FCGR2B: variants seen among roughly 807,000 people sequenced by gnomAD.
FCGR2B encodes Fc gamma receptor IIb, also known as low affinity immunoglobulin gamma Fc region receptor II-b.
A neutral mutation model predicts 24.8 loss-of-function variants in FCGR2B; 18 were observed. The observed-to-expected ratio is 0.73, with a 90% CI of 0.50 to 1.08. FCGR2B has a LOEUF of 1.08. FCGR2B is among the 50% of genes least tolerant of loss of function. The pLI, the probability that FCGR2B is intolerant of heterozygous loss-of-function variation, is 0.00. For missense variants in FCGR2B, 215 were observed against 297.6 expected (o/e 0.72, Z 2.04); for synonymous variants, 79 against 109.8 (o/e 0.72, Z 1.75).
intron 3 of FCGR2B, 36 bp from the exon 4 acceptor site, chr1:161,672,939 C>G (rs1176132713): frequency 6.2e-7 from 1 of 1,612,668 alleles, no homozygotes; most frequent in Non-Finnish European, 8.5e-7. Flanking sequence ...TGAGCCAAGA[C>G]CTCCCGGGTC....
chr1:161,671,816 C>A (rs1458551241), intron 3 of FCGR2B, 167 bp downstream of exon 3: 22 of 1,377,026 alleles, frequency 1.6e-5, no homozygotes, highest in Non-Finnish European at 2.0e-5. Context: ...TCTGATTGAA[C>A]AGAAGAAGGT....
the FCGR2B span, among the ~76,000 whole-genome samples, chr1:161,649,137 T>C: frequency 1.3e-5 from 2 of 150,874 alleles, no homozygotes; most frequent in African/African-American, 4.9e-5. Context: ...ACCATCTCAG[T>C]AGTAATTTCT....
chr1:161,677,120 G>C (rs1305056103), intron 6 of FCGR2B: 1 of 581,416 alleles, frequency 1.7e-6, no homozygotes, highest in African/African-American at 1.9e-5. Context: ...TTTTCACCTT[G>C]GCCTTTGCGG....
At chr1:161,677,278 G>A (rs773420587) in intron 6 of FCGR2B, 50 bp from the exon 7 acceptor site, 2 of 1,585,774 alleles carry the variant, frequency 1.3e-6, no homozygotes, top group Non-Finnish European at 1.7e-6. Flanking sequence ...GCACAGGCAG[G>A]CCCTCTTCTC....
chr1:161,671,068 T>C (rs1314608831), intron 2 of FCGR2B, among the ~76,000 whole-genome samples: 1 of 152,120 alleles, frequency 6.6e-6, no homozygotes, highest in Non-Finnish European at 1.5e-5. Context: ...TCTGTGTGTC[T>C]GTGCTGGTGG....
intron 6 of FCGR2B, 68 bp from the exon 7 acceptor site, chr1:161,677,260 C>T: frequency 6.6e-7 from 1 of 1,509,526 alleles, no homozygotes; most frequent in Non-Finnish European, 9.2e-7. Context: ...TTTGCAGCCT[C>T]AGCATCAGCA....
the FCGR2B span, among the ~76,000 whole-genome samples, chr1:161,653,264 A>G: frequency 3.0e-5 from 4 of 132,460 alleles, no homozygotes; most frequent in South Asian, 8.1e-4. Flanking sequence ...TTAGCTGGGC[A>G]TGGTGGCAGG....
the FCGR2B span, among the ~76,000 whole-genome samples, chr1:161,647,732 T>C: frequency 1.3e-5 from 2 of 150,982 alleles, no homozygotes; most frequent in South Asian, 2.1e-4. Flanking sequence ...ATGTATATTG[T>C]CCACTTTTGT....
upstream of FCGR2B, among the ~76,000 whole-genome samples, chr1:161,658,872 G>A: frequency 6.6e-6 from 1 of 152,132 alleles, no homozygotes; most frequent in Non-Finnish European, 1.5e-5. Context: ...CAAGAGGCTG[G>A]AATCTGAGAG....
chr1:161,650,267 A>T, the FCGR2B span, among the ~76,000 whole-genome samples: 1 of 146,756 alleles, frequency 6.8e-6, no homozygotes, highest in Non-Finnish European at 1.5e-5. Context: ...GATTACAGGC[A>T]TGAGCCACTG....
chr1:161,655,908 T>G, the FCGR2B span, among the ~76,000 whole-genome samples: 1 of 88,404 alleles, frequency 1.1e-5, no homozygotes, highest in African/African-American at 3.5e-5. Context: ...CAGGCAGGAG[T>G]GCAATGGCGT....
chr1:161,678,566 G>C lies in FCGR2B; in HGVS notation c.*1013G>C. On this transcript the variant is annotated 3_prime_UTR_variant, in exon 8 of 8. Coordinates refer to ENST00000358671, the MANE Select transcript of FCGR2B (RefSeq NM_001394477.1). Reference sequence around the variant, plus strand: ...CCCCATATTTCAACAATGCATGACTGTACTCTTCTGCCAATGACCTTGTAT... The same window carrying C: ...CCCCATATTTCAACAATGCATGACTCTACTCTTCTGCCAATGACCTTGTAT... 1 of 213,222 alleles carries C rather than the reference G, an allele frequency of 4.7e-6. No individual in the cohort carries two copies. The highest frequency in any genetic ancestry group is 9.5e-6 in the Non-Finnish European group (1 of 105,312). The allele number at this position is 213,222 out of a possible 1,614,324, so 13.2% of individuals were successfully genotyped here.
chr1:161,649,241 G>A, the FCGR2B span, among the ~76,000 whole-genome samples: 7 of 148,804 alleles, frequency 4.7e-5, 1 homozygote, highest in Admixed American at 2.0e-4. Flanking sequence ...AGGATTGAAA[G>A]TAGAAGTGTT....
chr1:161,654,177 T>G, the FCGR2B span, among the ~76,000 whole-genome samples: 15 of 136,826 alleles, frequency 1.1e-4, no homozygotes, highest in South Asian at 3.4e-3. Flanking sequence ...GGGCAGTGGC[T>G]AAGAAGAACG....
chr1:161,676,059 G>C (rs868215311), intron 6 of FCGR2B: 3 of 231,224 alleles, frequency 1.3e-5, no homozygotes, highest in Non-Finnish European at 2.6e-5. Context: ...CTGAGAACCA[G>C]GGGCCACCCA....
At chr1:161,655,304 CTCATAT>C in the FCGR2B span, among the ~76,000 whole-genome samples, 1 of 143,964 alleles carries the variant, frequency 6.9e-6, no homozygotes, top group Non-Finnish European at 1.6e-5. Flanking sequence ...TATGTTGTTT[CTCATAT>C]AAACATGATT....
intron 6 of FCGR2B, chr1:161,675,984 GTC>G: frequency 8.6e-6 from 2 of 232,470 alleles, no homozygotes; most frequent in South Asian, 3.6e-4. Context: ...ATGGGGTTCA[GTC>G]TCCTCACTGA....
At chr1:161,671,779 C>T in intron 3 of FCGR2B, 130 bp downstream of exon 3, 1 of 1,512,830 alleles carries the variant, frequency 6.6e-7, no homozygotes, top group Non-Finnish European at 8.9e-7. Flanking sequence ...TGCCTCAGCA[C>T]ATATCAGTGG....
chr1:161,647,963 G>T, the FCGR2B span, among the ~76,000 whole-genome samples: 2 of 150,886 alleles, frequency 1.3e-5, no homozygotes, highest in African/African-American at 4.9e-5. Flanking sequence ...CAACAGTTTA[G>T]CTATGTGTAA....
Sources: allele counts gnomAD v4.1 joint callset (sites outside exome capture counted in the v4.1 genomes callset), GRCh38; gene constraint gnomAD v4.1.1; transcripts MANE v1.5; gene names NCBI Gene and HGNC (gene_info 2026-07-23, HGNC 2026-07-21).